TRANK1: variants seen among roughly 807,000 people sequenced by gnomAD.
TRANK1 encodes the protein tetratricopeptide repeat and ankyrin repeat containing 1.
In TRANK1, 198 loss-of-function variants were observed where a neutral mutation model predicts 266.0. That is an observed-to-expected ratio of 0.74 (90% CI 0.66 to 0.84). The LOEUF (loss-of-function observed/expected upper bound fraction) is 0.84, where lower values mean the gene tolerates loss of function less well. Ranked by LOEUF, TRANK1 falls within the 40% of genes least tolerant of loss-of-function variation. TRANK1 has a pLI of 0.00. For missense variants in TRANK1, 3,326 were observed against 3,634.6 expected (o/e 0.92, Z 2.18); for synonymous variants, 1,396 against 1,384.1 (o/e 1.01, Z -0.19).
At chr3:36,923,060 A>G (rs1575321491) in intron 1 of TRANK1, among the ~76,000 whole-genome samples, 1 of 152,146 alleles carries the variant, frequency 6.6e-6, no homozygotes, top group South Asian at 2.1e-4. Context: ...AAGTTAGCTC[A>G]CTGCAACCTT....
rs140756839 is a variant in TRANK1 at position 36,839,525 on chromosome 3, G to A, written c.5281-809C>T. Among the ~76,000 whole-genome samples the A allele has an allele frequency of 2.1e-3, 318 of 152,254 alleles. 2 individuals carry two copies. The highest frequency in any genetic ancestry group is 7.2e-3 in the African/African-American group (297 of 41,534). On this transcript the variant is annotated intron_variant, in intron 18 of 23. Transcript: ENST00000645898. ...GGGTCTCCTTTCATTCCCGTGACCT[G>A]TGCCATTTCCTTCCCATTGCAGGGC...
At chr3:36,919,614 T>C (rs2080187030) in intron 1 of TRANK1, among the ~76,000 whole-genome samples, 1 of 152,242 alleles carries the variant, frequency 6.6e-6, no homozygotes, top group African/African-American at 2.4e-5. Context: ...GTGAGTTATT[T>C]GTCTGCCTTT....
chr3:36,873,824 T>A (rs1048307307), intron 9 of TRANK1, among the ~76,000 whole-genome samples: 1 of 150,778 alleles, frequency 6.6e-6, no homozygotes, highest in African/African-American at 2.4e-5. Context: ...TTCTGTCTAA[T>A]TTTTTTCCTT....
At chr3:36,904,100 T>C (rs9882924) in intron 2 of TRANK1, among the ~76,000 whole-genome samples, 95,139 of 151,478 alleles carry the variant, frequency 0.63, 30,117 homozygotes, top group Admixed American at 0.67. Flanking sequence ...GGATTACAGG[T>C]GCACACCACC....
rs755918039 is a variant in TRANK1 at position 36,856,811 on chromosome 3, G to T, written c.2911C>A (p.Arg971=). 1 of 1,613,908 alleles carries T rather than the reference G, an allele frequency of 6.2e-7. No individual in the cohort carries two copies. Among genetic ancestry groups the T allele is most frequent in the South Asian group, 1.1e-5 (1 of 91,078 alleles). Residue 971 remains arginine, a synonymous_variant, in exon 13 of 24, where the codon CGG becomes AGG. Transcript: ENST00000645898. The part of the protein sequence containing the change: ...AYNRGLSCVL[R]KKLKGINKGQ... The stretch of plus-strand genomic sequence containing the variant: ...TTATTGATACCTTTCAGCTTCTTCC[G>T]CAGGACACAGGACAAGCCCCGGTTG...
chr3:36,920,973 C>T (rs1213506720), intron 1 of TRANK1, among the ~76,000 whole-genome samples: 1 of 152,180 alleles, frequency 6.6e-6, no homozygotes. Flanking sequence ...TAAAGTTTAA[C>T]TTCCTCGTAG....
rs565161653 is a variant in TRANK1 at position 36,944,638 on chromosome 3, T to C, written c.23+149A>G. On this transcript the variant is annotated intron_variant, in intron 1 of 23. Transcript: ENST00000645898. ...CAACTGGCTCGGGTCTGCACCTAGA[T>C]GGCTGTGGGCCCCACAGGGATGGCC... is the stretch of plus-strand genomic sequence containing the variant. 8 of 916,166 alleles carry C rather than the reference T, an allele frequency of 8.7e-6. No individual in the cohort carries two copies. The South Asian group carries it at 1.4e-4, about 16-fold the overall frequency. The allele number at this position is 916,166 out of a possible 1,614,324, so 56.8% of individuals were successfully genotyped here.
At chr3:36,865,331 C>G (rs28522146) in intron 9 of TRANK1, among the ~76,000 whole-genome samples, 93,447 of 151,962 alleles carry the variant, frequency 0.61, 29,019 homozygotes, top group Admixed American at 0.67. Context: ...CAGCATGCTT[C>G]TTGTTTTAAG....
chr3:36,879,387 T>G (rs905744861), intron 8 of TRANK1, among the ~76,000 whole-genome samples: 2 of 151,214 alleles, frequency 1.3e-5, no homozygotes, highest in African/African-American at 4.9e-5. Context: ...TTTGTTTCTT[T>G]GTTCAAAGTA....
intron 8 of TRANK1, chr3:36,880,087 CATATATAAAT>C (rs2079505448): frequency 2.4e-5 from 1 of 40,888 alleles, no homozygotes. Context: ...TATATATAAA[CATATATAAAT>C]ATATATAAAC....
At chr3:36,892,854 T>C (rs1008797965) in intron 6 of TRANK1, 47 bp downstream of exon 6, 78 of 224,954 alleles carry the variant, frequency 3.5e-4, no homozygotes, top group African/African-American at 1.6e-3. Context: ...AAACAAAACA[T>C]ATATATATAT....
intron 8 of TRANK1, among the ~76,000 whole-genome samples, chr3:36,876,538 G>A (rs75684038): frequency 3.3e-5 from 5 of 152,324 alleles, no homozygotes; most frequent in Admixed American, 2.6e-4. Context: ...AAGCCTGAAG[G>A]TTCTGGTGGC....
At chr3:36,871,943 A>T (rs1416893715) in intron 9 of TRANK1, among the ~76,000 whole-genome samples, 1 of 152,222 alleles carries the variant, frequency 6.6e-6, no homozygotes, top group Non-Finnish European at 1.5e-5. Context: ...CCACTTGCAC[A>T]TTCAAGAGAG....
intron 8 of TRANK1, among the ~76,000 whole-genome samples, chr3:36,875,353 A>T (rs1441554666): frequency 6.6e-6 from 1 of 152,216 alleles, no homozygotes; most frequent in Non-Finnish European, 1.5e-5. Flanking sequence ...GAGGCAGGAC[A>T]AGGAATGTGT....
In TRANK1 at chr3:36,831,226, G is replaced by T. The variant is rs1229687292; in HGVS notation, c.8357C>A (p.Pro2786His). ...FTRGPENYFS[P>H]SKAFEGAASE... is the part of the protein sequence containing the mutation. ...AGCTGCCCCCTCAAACGCTTTGCTGGGGCTGAAATAGTTCTCTGGGCCACG... is the reference window on the plus strand; with the variant it reads ...AGCTGCCCCCTCAAACGCTTTGCTGTGGCTGAAATAGTTCTCTGGGCCACG... Residue 2786 changes from proline to histidine, a missense_variant, in exon 22 of 24, where the codon CCC (proline) becomes CAC (histidine). Coordinates refer to ENST00000645898, the MANE Select transcript of TRANK1 (RefSeq NM_001329998.2). This position sits in a 1 kb window ranked among gnomAD's most constrained non-coding sequence, Gnocchi z 5.0. 1 of 1,613,756 alleles carries T rather than the reference G, an allele frequency of 6.2e-7. No homozygotes were observed. The highest frequency in any genetic ancestry group is 8.5e-7 in the Non-Finnish European group (1 of 1,179,886).
At chr3:36,890,014 A>T in intron 7 of TRANK1, 54 bp from the exon 8 acceptor site, 1 of 1,525,974 alleles carries the variant, frequency 6.6e-7, no homozygotes, top group Non-Finnish European at 8.8e-7. Context: ...AAAGTCAGCA[A>T]AGTTAATTTG....
Position 36,908,371 on chromosome 3 carries a change from C to T in TRANK1, c.107G>A (p.Arg36Lys). The change falls in exon 2 of 24, where the codon AGA becomes AAA. Residue 36 changes from arginine to lysine, a missense_variant. Physicochemically the swap from Arg to Lys is conservative, Grantham distance 26 (BLOSUM62 2). Coordinates refer to ENST00000645898, the MANE Select transcript of TRANK1 (RefSeq NM_001329998.2). ...AATCTGGATGGCTTCATCGTACTTT[C>T]TGATGGCCAAAGAGAAGTTCCCATT... ...LKNGNFSLAIRKYDEAIQILL... is the reference protein window; with the variant it reads ...LKNGNFSLAIKKYDEAIQILL... 1 of 1,232,212 alleles carries T rather than the reference C, an allele frequency of 8.1e-7. No homozygotes were observed. The highest frequency in any genetic ancestry group is 1.0e-6 in the Non-Finnish European group (1 of 987,990). The allele number at this position is 1,232,212 out of a possible 1,614,324, so 76.3% of individuals were successfully genotyped here. A position where few individuals can be genotyped will look rare whatever the true frequency, so the allele number is the denominator to read the frequency against.
intron 20 of TRANK1, among the ~76,000 whole-genome samples, chr3:36,835,283 C>A (rs1418752608): frequency 8.0e-6 from 1 of 124,774 alleles, no homozygotes; most frequent in African/African-American, 3.0e-5. Context: ...CCCGCCACTG[C>A]ACTCCAGCCT....
At chr3:36,942,500 A>AAG in intron 1 of TRANK1, among the ~76,000 whole-genome samples, 1 of 149,194 alleles carries the variant, frequency 6.7e-6, no homozygotes, top group Admixed American at 6.6e-5. Context: ...AAAAAAAAAA[A>AAG]AAAAAAGAAC....
Sources: allele counts gnomAD v4.1 joint callset (sites outside exome capture counted in the v4.1 genomes callset), GRCh38; gene constraint gnomAD v4.1.1; non-coding constraint Gnocchi (gnomAD v3.1); transcripts MANE v1.5; gene names NCBI Gene and HGNC (gene_info 2026-07-23, HGNC 2026-07-21).